Variants in PIWIL3 observed in about 807,000 individuals in gnomAD.
PIWIL3 encodes the protein piwi-like protein 3.
Under a neutral mutation model 109.7 loss-of-function variants are expected in PIWIL3, and 101 were observed. The ratio of observed to expected loss-of-function variants is 0.92; its 90% CI spans 0.78 to 1.09. The LOEUF is 1.09. Ranked by LOEUF, PIWIL3 falls within the 50% of genes least tolerant of loss-of-function variation. The pLI, the probability that PIWIL3 is intolerant of heterozygous loss-of-function variation, is 0.00. For synonymous variants in PIWIL3, 373 were observed against 376.4 expected (o/e 0.99, Z 0.10); for missense variants, 1,031 against 1,072.6 (o/e 0.96, Z 0.54).
intron 12 of PIWIL3, among the ~76,000 whole-genome samples, chr22:24,743,929 G>A (rs1046998020): frequency 2.0e-5 from 3 of 152,016 alleles, no homozygotes; most frequent in Admixed American, 2.0e-4. Context: ...CACCTTAAAA[G>A]AAGGGGTTAT....
intron 14 of PIWIL3, among the ~76,000 whole-genome samples, chr22:24,732,947 C>G (rs1279076573): frequency 6.6e-6 from 1 of 152,164 alleles, no homozygotes; most frequent in Non-Finnish European, 1.5e-5. Flanking sequence ...AATCCTAGAA[C>G]AGGAAGCTTT....
chr22:24,739,430 AG>A (rs982591272), intron 12 of PIWIL3, among the ~76,000 whole-genome samples: 5 of 152,330 alleles, frequency 3.3e-5, no homozygotes, highest in Admixed American at 3.3e-4. Flanking sequence ...GGATAAAGAA[AG>A]GATCCTAATA....
intron 1 of PIWIL3, among the ~76,000 whole-genome samples, chr22:24,771,740 C>CT (rs11440307): frequency 0.44 from 65,139 of 148,964 alleles, 14,264 homozygotes; most frequent in East Asian, 0.59. Flanking sequence ...CTCTTGCCCT[C>CT]TTTTTTTTTT....
chr22:24,764,082 CCA>C (rs1925633186), intron 1 of PIWIL3, among the ~76,000 whole-genome samples: 1 of 152,206 alleles, frequency 6.6e-6, no homozygotes, highest in Non-Finnish European at 1.5e-5. Flanking sequence ...AATACACGGA[CCA>C]GCCCAGCCTC....
At chr22:24,768,990 C>G (rs922993806) in intron 1 of PIWIL3, among the ~76,000 whole-genome samples, 1 of 152,096 alleles carries the variant, frequency 6.6e-6, no homozygotes, top group Non-Finnish European at 1.5e-5. Flanking sequence ...GACAAAGAGC[C>G]GCAAGGTGGT....
At chr22:24,751,295 T>A (rs1337907653) in intron 9 of PIWIL3, 92 bp downstream of exon 9, 1 of 1,277,400 alleles carries the variant, frequency 7.8e-7, no homozygotes, top group Non-Finnish European at 1.1e-6. Context: ...TGTATGTTTA[T>A]ATGACAAATA....
chr22:24,764,124 C>G (rs1353253575), intron 1 of PIWIL3, among the ~76,000 whole-genome samples: 1 of 152,240 alleles, frequency 6.6e-6, no homozygotes, highest in Non-Finnish European at 1.5e-5. Flanking sequence ...CTCAGGAAAG[C>G]AGGCGTCGCC....
chr22:24,763,096 G>A (rs1013899091), intron 1 of PIWIL3, among the ~76,000 whole-genome samples: 2 of 151,672 alleles, frequency 1.3e-5, no homozygotes, highest in African/African-American at 4.8e-5. Context: ...CCCCGAGTCA[G>A]CAGAGAAGCA....
chr22:24,732,566 G>A (rs1365577612), intron 14 of PIWIL3, among the ~76,000 whole-genome samples: 1 of 152,208 alleles, frequency 6.6e-6, no homozygotes, highest in Non-Finnish European at 1.5e-5. Context: ...GCTCACGCCT[G>A]TAATCCCAGC....
At chr22:24,741,728 A>C (rs73391110) in intron 12 of PIWIL3, among the ~76,000 whole-genome samples, 2,261 of 152,298 alleles carry the variant, frequency 0.015, 50 homozygotes, top group African/African-American at 0.051. Context: ...AATCAGCTCC[A>C]AAAGGAACAC....
Position 24,754,771 on chromosome 22 carries a change from A to T in PIWIL3, c.773+13T>A. On this transcript the variant is annotated intron_variant, in intron 7 of 20. Transcript: ENST00000616349. ...AAGTCTGCAGAGTGTGAAATTTTCT[A>T]CTTTATACAAACCCATGACGGTATA... 6.3e-7 allele frequency: 1 copy of T among 1,576,916 alleles called. No individual in the cohort carries two copies. The highest frequency in any genetic ancestry group is 8.7e-7 in the Non-Finnish European group (1 of 1,146,690).
chr22:24,727,957 A>T lies in PIWIL3; in HGVS notation c.2002T>A (p.Leu668Ile), dbSNP rs202210933. The T allele has an allele frequency of 1.6e-5, 25 of 1,611,544 alleles. No individual in the cohort carries two copies. The highest frequency in any genetic ancestry group is 2.0e-5 in the Non-Finnish European group (24 of 1,178,720). The change falls in exon 16 of 21, where the codon TTA becomes ATA. Residue 668 changes from leucine (L) to isoleucine (I), a missense_variant. Physicochemically the swap from Leu to Ile is conservative, Grantham distance 5 (BLOSUM62 2). Coordinates refer to ENST00000616349, the MANE Select transcript of PIWIL3 (RefSeq NM_001255975.1). Reference protein sequence around the residue: ...AGFVASTNAELTKWYSQCVIQ... With the variant: ...AGFVASTNAEITKWYSQCVIQ... ...CTACCAGAGCTTACTTACTTTGTTA[A>T]TTCAGCATTGGTACTTGCAACAAAT...
intron 13 of PIWIL3, 53 bp downstream of exon 13, chr22:24,735,655 A>G: frequency 6.8e-7 from 1 of 1,469,700 alleles, no homozygotes; most frequent in East Asian, 2.3e-5. Context: ...TAGTTATTAT[A>G]CTTTAAGATT....
chr22:24,761,867 G>T (rs1925456819), intron 2 of PIWIL3: 8 of 797,090 alleles, frequency 1.0e-5, no homozygotes, highest in Middle Eastern at 6.3e-4. Flanking sequence ...TCAAACAGCA[G>T]AATAAGTGGA....
At chr22:24,741,776 A>G (rs1924022587) in intron 12 of PIWIL3, among the ~76,000 whole-genome samples, 1 of 152,118 alleles carries the variant, frequency 6.6e-6, no homozygotes, top group South Asian at 2.1e-4. Flanking sequence ...AGATAACCCA[A>G]TGATCATTCA....
chr22:24,749,161 A>G, intron 11 of PIWIL3, 140 bp from the exon 12 acceptor site: 2 of 857,756 alleles, frequency 2.3e-6, no homozygotes, highest in South Asian at 3.6e-5. Flanking sequence ...CTTCCCTGAA[A>G]CTCAGAAATC....
chr22:24,751,734 C>G (rs12166038), intron 8 of PIWIL3, among the ~76,000 whole-genome samples: 4,612 of 152,304 alleles, frequency 0.03, 78 homozygotes, highest in African/African-American at 0.033. Flanking sequence ...TAGGCAGTCA[C>G]TTCCCATTTT....
chr22:24,732,516 G>A (rs779174717), intron 14 of PIWIL3, among the ~76,000 whole-genome samples: 2 of 152,164 alleles, frequency 1.3e-5, no homozygotes, highest in Non-Finnish European at 1.5e-5. Flanking sequence ...TTTAAAGAAA[G>A]CCCCACATTA....
intron 1 of PIWIL3, among the ~76,000 whole-genome samples, chr22:24,772,445 A>G (rs778112448): frequency 1.3e-5 from 2 of 152,186 alleles, no homozygotes; most frequent in Non-Finnish European, 1.5e-5. Context: ...AGCAGGTGAT[A>G]TCATCTCTCT....
Sources: allele counts gnomAD v4.1 joint callset (sites outside exome capture counted in the v4.1 genomes callset), GRCh38; gene constraint gnomAD v4.1.1; transcripts MANE v1.5; gene names NCBI Gene and HGNC (gene_info 2026-07-23, HGNC 2026-07-21).